Variants in KAZN observed in about 807,000 individuals in gnomAD.
The protein encoded by KAZN is kazrin.
In KAZN, 40 loss-of-function variants were observed where a neutral mutation model predicts 87.4. That is an observed-to-expected ratio of 0.46 (90% CI 0.36 to 0.60). The LOEUF is 0.60. Among genes scored for constraint, KAZN ranks in the 20% least tolerant of loss-of-function variants. The pLI is 0.00. For missense variants in KAZN, 898 were observed against 1,073.9 expected (o/e 0.84, Z 2.29); for synonymous variants, 466 against 458.3 (o/e 1.02, Z -0.22).
intron 1 of KAZN, among the ~76,000 whole-genome samples, chr1:14,025,794 C>G (rs115797168): frequency 0.011 from 1,660 of 152,150 alleles, 27 homozygotes; most frequent in African/African-American, 0.037. Flanking sequence ...CATATTGGCT[C>G]CAGATCTTTC....
intron 2 of KAZN, among the ~76,000 whole-genome samples, chr1:14,346,583 C>A (rs922390248): frequency 6.6e-6 from 1 of 152,088 alleles, no homozygotes; most frequent in South Asian, 2.1e-4. Context: ...ATTTTCTATA[C>A]CTCCCCTCTG....
At chr1:14,828,318 C>T (rs1646956474) in intron 1 of KAZN, among the ~76,000 whole-genome samples, 1 of 152,200 alleles carries the variant, frequency 6.6e-6, no homozygotes, top group African/African-American at 2.4e-5. Context: ...CTGGAGATTG[C>T]ATCTCAATTG....
At chr1:14,788,880 A>G (rs140443848) in intron 1 of KAZN, among the ~76,000 whole-genome samples, 3 of 152,264 alleles carry the variant, frequency 2.0e-5, no homozygotes, top group Non-Finnish European at 4.4e-5. Flanking sequence ...TGTCTGGGAC[A>G]CCCTGAGACA....
At chr1:14,499,204 CGT>C (rs1323709156) in intron 2 of KAZN, among the ~76,000 whole-genome samples, 3 of 152,070 alleles carry the variant, frequency 2.0e-5, no homozygotes, top group Non-Finnish European at 4.4e-5. Flanking sequence ...TCAGGCAAGT[CGT>C]GTGAGTTCAG....
At chr1:15,046,264 C>T (rs959736047) in intron 4 of KAZN, among the ~76,000 whole-genome samples, 4 of 142,576 alleles carry the variant, frequency 2.8e-5, no homozygotes, top group Non-Finnish European at 6.0e-5. Context: ...AGCCGCTGCA[C>T]TCCAGCCTGG....
chr1:14,795,028 G>C (rs1036986340), intron 1 of KAZN, among the ~76,000 whole-genome samples: 1 of 152,138 alleles, frequency 6.6e-6, no homozygotes, highest in Non-Finnish European at 1.5e-5. Flanking sequence ...TACACTAGTG[G>C]TTTGCCAGAG....
intron 2 of KAZN, among the ~76,000 whole-genome samples, chr1:14,327,091 C>T (rs1279439829): frequency 2.0e-5 from 3 of 152,128 alleles, no homozygotes; most frequent in Non-Finnish European, 4.4e-5. Context: ...ACTTATGCAA[C>T]GACTGGAGGA....
chr1:15,077,724 A>G lies in KAZN; in HGVS notation c.1222+11971A>G, dbSNP rs1325145318. Among the ~76,000 whole-genome samples, 3 of 152,210 alleles carry G rather than the reference A, an allele frequency of 2.0e-5. No homozygotes were observed. The highest frequency in any genetic ancestry group is 2.9e-5 in the Non-Finnish European group (2 of 68,044). ...CAATAGGGTGACTCCGTATTATCCA[A>G]GAAATCCCAGGAGGCTGCGCAGTTA... On this transcript the variant is annotated intron_variant, in intron 8 of 14. Coordinates refer to ENST00000376030, the MANE Select transcript of KAZN (RefSeq NM_201628.3). The surrounding 1 kb of genome is among the most constrained non-coding windows in gnomAD (Gnocchi z 4.8).
At chr1:14,711,114 G>A (rs1270024097) in intron 1 of KAZN, among the ~76,000 whole-genome samples, 1 of 152,198 alleles carries the variant, frequency 6.6e-6, no homozygotes, top group Non-Finnish European at 1.5e-5. Context: ...GCTCACTTGA[G>A]CCCAGGAGTT....
intron 10 of KAZN, among the ~76,000 whole-genome samples, chr1:15,098,404 G>A (rs1401328243): frequency 6.6e-6 from 1 of 152,256 alleles, no homozygotes; most frequent in East Asian, 1.9e-4. Context: ...CTGAAGGGCA[G>A]GAGCACATTA....
At chr1:14,802,299 G>T (rs75754728) in intron 1 of KAZN, among the ~76,000 whole-genome samples, 25,297 of 151,792 alleles carry the variant, frequency 0.17, 2,322 homozygotes, top group African/African-American at 0.22. Context: ...AGCTATTAGG[G>T]AGGATGAGGC....
intron 2 of KAZN, among the ~76,000 whole-genome samples, chr1:14,311,365 A>T (rs1481262714): frequency 6.6e-6 from 1 of 152,224 alleles, no homozygotes; most frequent in African/African-American, 2.4e-5. Context: ...CAATGAGAGG[A>T]TGATATAAAG....
chr1:13,941,208 CA>C (rs201485155), intron 1 of KAZN, among the ~76,000 whole-genome samples: 2 of 151,334 alleles, frequency 1.3e-5, no homozygotes, highest in East Asian at 1.9e-4. Flanking sequence ...ACAACAACAA[CA>C]AAAAAAAAAC....
intron 2 of KAZN, among the ~76,000 whole-genome samples, chr1:14,548,022 A>G (rs368165345): frequency 6.7e-6 from 1 of 149,336 alleles, no homozygotes; most frequent in Non-Finnish European, 1.5e-5. Flanking sequence ...TACACTAATG[A>G]TAGGTGATGA....
In KAZN at chr1:14,100,309, G is replaced by T. The variant is rs532303277; in HGVS notation, c.92-80126G>T. On this transcript the variant is annotated intron_variant, in intron 1 of 16. Coordinates refer to the KAZN transcript ENST00000636203. The stretch of plus-strand genomic sequence containing the variant: ...GAATGTGGAACTGGGATTGAAATCC[G>T]CAGCTCGACCTCAGATATGTCCCTG... Among the ~76,000 whole-genome samples the T allele has an allele frequency of 2.8e-3, 428 of 152,276 alleles. 1 individual carries two copies. Among genetic ancestry groups the T allele is most frequent in the Non-Finnish European group, 5.1e-3 (347 of 68,016 alleles).
At chr1:14,439,559 A>G (rs936762313) in intron 2 of KAZN, among the ~76,000 whole-genome samples, 4 of 152,226 alleles carry the variant, frequency 2.6e-5, no homozygotes, top group Non-Finnish European at 5.9e-5. Flanking sequence ...AGTGATAGGA[A>G]CGTTCTAGAT....
intron 2 of KAZN, among the ~76,000 whole-genome samples, chr1:14,550,739 C>CTCTCTCTCTG (rs1480745409): frequency 1.4e-5 from 1 of 69,968 alleles, no homozygotes; most frequent in Non-Finnish European, 3.3e-5. Flanking sequence ...CTCTCTCTCT[C>CTCTCTCTCTG]CCCCACCCCG....
intron 1 of KAZN, among the ~76,000 whole-genome samples, chr1:14,885,878 A>C (rs1440631496): frequency 6.6e-6 from 1 of 152,154 alleles, no homozygotes; most frequent in Non-Finnish European, 1.5e-5. Context: ...GATACAGATG[A>C]ATATATGACT....
At chr1:14,572,850 A>G (rs1049310279) in intron 2 of KAZN, among the ~76,000 whole-genome samples, 4 of 152,228 alleles carry the variant, frequency 2.6e-5, no homozygotes, top group Non-Finnish European at 4.4e-5. Flanking sequence ...TGTTAAACCT[A>G]AACACCTAAC....
Sources: allele counts gnomAD v4.1 joint callset (sites outside exome capture counted in the v4.1 genomes callset), GRCh38; gene constraint gnomAD v4.1.1; non-coding constraint Gnocchi (gnomAD v3.1); transcripts MANE v1.5; gene names NCBI Gene and HGNC (gene_info 2026-07-23, HGNC 2026-07-21).